IGDCC4: variants seen among roughly 807,000 people sequenced by gnomAD.
IGDCC4 encodes the protein immunoglobulin superfamily DCC subclass member 4.
IGDCC4 carries 72 observed loss-of-function variants against 116.6 expected under a neutral mutation model. That is an observed-to-expected ratio of 0.62 (90% confidence interval 0.51 to 0.75). IGDCC4 has a LOEUF of 0.75. IGDCC4 is among the 30% of genes least tolerant of loss of function. The pLI is 0.00. For synonymous variants in IGDCC4, 709 were observed against 719.9 expected, an observed-to-expected ratio of 0.98 and a Z score of 0.24; for missense variants, 1,501 against 1,662.4, an observed-to-expected ratio of 0.90 and a Z score of 1.69.
rs372564815 is a variant in IGDCC4 at position 65,393,327 on chromosome 15, C to A, written c.1885+34G>T. ...ACACACGCACACCCACACAGTCACA[C>A]ACACACTGTCCTGTCTCTCCTCTAA... is the stretch of plus-strand genomic sequence containing the variant. On this transcript the variant is annotated intron_variant, in intron 10 of 19. Coordinates refer to ENST00000352385, the MANE Select transcript of IGDCC4 (RefSeq NM_020962.3). The surrounding 1 kb of genome is among the most constrained non-coding windows in gnomAD (Gnocchi z 4.6). 1 of 1,575,722 alleles carries A rather than the reference C, an allele frequency of 6.3e-7. No homozygotes were observed.
At chr15:65,395,617 A>T in intron 7 of IGDCC4, 133 bp downstream of exon 7, 1 of 1,016,900 alleles carries the variant, frequency 9.8e-7, no homozygotes, top group Non-Finnish European at 1.3e-6. Flanking sequence ...GGTCTCTCCT[A>T]TGGGCTCCTA....
intron 5 of IGDCC4, among the ~76,000 whole-genome samples, chr15:65,397,425 A>G (rs1226947029): frequency 6.6e-6 from 1 of 152,266 alleles, no homozygotes; most frequent in Non-Finnish European, 1.5e-5. Flanking sequence ...AATGAAAACC[A>G]TTTAAAAAGC....
intron 1 of IGDCC4, among the ~76,000 whole-genome samples, chr15:65,413,409 C>T (rs2063116253): frequency 6.6e-6 from 1 of 152,120 alleles, no homozygotes; most frequent in Admixed American, 6.5e-5. Flanking sequence ...CTTTTTTCTC[C>T]CAAGGCCCCA....
Position 65,411,062 on chromosome 15 carries a change from G to C in IGDCC4, c.379C>G (p.Leu127Val), listed in dbSNP as rs1368304101. 1 of 1,613,742 alleles carries C rather than the reference G, an allele frequency of 6.2e-7. No individual in the cohort carries two copies. Among genetic ancestry groups the C allele is most frequent in the African/African-American group, 1.3e-5 (1 of 75,066 alleles). Residue 127 changes from leucine to valine, a missense_variant, in exon 2 of 20, where the codon CTC becomes GTC. Leu to Val is a conservative substitution (Grantham distance 32, BLOSUM62 1). This residue lies in a region of IGDCC4 where 898 missense variants were observed against 978.9 expected (regional missense o/e 0.92). Coordinates refer to ENST00000352385, the MANE Select transcript of IGDCC4 (RefSeq NM_020962.3). ...GNYSCLAHGPLGVLASQTAVV... is the reference protein window; with the variant it reads ...GNYSCLAHGPVGVLASQTAVV... The stretch of plus-strand genomic sequence containing the variant: ...GCAGTCTGGCTGGCCAGCACTCCGA[G>C]GGGGCCGTGGGCTAGGCACGAATAG...
rs143939478 is a variant in IGDCC4, at chr15:65,416,956, C to A, written c.71-5586G>T. On this transcript the variant is annotated intron_variant, in intron 1 of 19. Transcript: ENST00000352385. ...TTTCGTGGGATTAGTGGAGGCCTGG[C>A]GTGAGTTCCATTTTTCAGTGAATTC... Among the ~76,000 whole-genome samples the A allele has an allele frequency of 1.1e-4, 16 of 152,056 alleles. No homozygotes were observed. The East Asian group carries it at 3.1e-3, about 30-fold the overall frequency.
chr15:65,404,859 T>C (rs2063025330), intron 3 of IGDCC4, among the ~76,000 whole-genome samples: 1 of 152,164 alleles, frequency 6.6e-6, no homozygotes. Context: ...GAGACCAGCC[T>C]GGGCAACATG....
chr15:65,391,961 C>T lies in IGDCC4; in HGVS notation c.2143G>A (p.Val715Met). The change falls in exon 12 of 20, where the codon GTG becomes ATG. Residue 715 changes from valine to methionine, a missense_variant. Val to Met is a conservative substitution (Grantham distance 21). Transcript: ENST00000352385. The part of the protein sequence containing the change: ...TQLVPGRLYE[V>M]KLVAFNKHED... ...TGTTTGTTGAAAGCCACGAGCTTCACCTCGTACAGCCGGCCAGGGACTGGG... is the reference window on the plus strand; with the variant it reads ...TGTTTGTTGAAAGCCACGAGCTTCATCTCGTACAGCCGGCCAGGGACTGGG... 6.2e-7 allele frequency: 1 copy of T among 1,612,168 alleles called. No homozygotes were observed. The highest frequency in any genetic ancestry group is 1.1e-5 in the South Asian group (1 of 90,796).
At position 65,404,788 on chromosome 15, in the gene IGDCC4, T is replaced by A. The variant is rs368371047; in HGVS notation, c.564-2301A>T. 8.5e-5 allele frequency among the ~76,000 whole-genome samples: 13 copies of A among 152,288 alleles called. No homozygotes were observed. In the East Asian group the frequency reaches 1.5e-3, roughly 18 times the overall value. ...AACCACTTTTAGGGTTCATCTAAAATCTTTTCTGGCCGGGCTTTTTGGGAG... is the reference window on the plus strand; with the variant it reads ...AACCACTTTTAGGGTTCATCTAAAAACTTTTCTGGCCGGGCTTTTTGGGAG... On this transcript the variant is annotated intron_variant, in intron 3 of 19. Transcript: ENST00000352385.
chr15:65,395,886 G>A lies in IGDCC4; in HGVS notation c.1275C>T (p.Arg425=), dbSNP rs1329022357. Residue 425 remains arginine (R), a synonymous_variant, in exon 7 of 20, where the codon CGC becomes CGT. Coordinates refer to ENST00000352385, the MANE Select transcript of IGDCC4 (RefSeq NM_020962.3). ...GCGTGGGGGCGCTGGGCAGCCCCTC[G>A]CGCACCACCACGGCCAGCGACGCGG... ...CAAASLAVVV[R]EGLPSAPTRV... is the part of the protein sequence containing the mutation. The A allele has an allele frequency of 6.3e-7, 1 of 1,588,444 alleles. No individual in the cohort carries two copies. The highest frequency in any genetic ancestry group is 8.5e-7 in the Non-Finnish European group (1 of 1,174,400).
chr15:65,401,042 G>A (rs994921849), intron 4 of IGDCC4, 96 bp from the exon 5 acceptor site: 161 of 1,490,934 alleles, frequency 1.1e-4, no homozygotes, highest in African/African-American at 1.1e-4. Flanking sequence ...AGGTGGTACC[G>A]GGGACAGCAG....
chr15:65,390,681 T>G (rs1258678550), intron 12 of IGDCC4, among the ~76,000 whole-genome samples: 1 of 152,204 alleles, frequency 6.6e-6, no homozygotes, highest in African/African-American at 2.4e-5. Context: ...ACCTTCTCTG[T>G]GTCTCCATTC....
intron 18 of IGDCC4, 135 bp from the exon 19 acceptor site, chr15:65,385,250 A>AG: frequency 5.3e-6 from 5 of 940,896 alleles, no homozygotes; most frequent in Non-Finnish European, 7.7e-6. Flanking sequence ...CTCCCTCTCC[A>AG]AGGCTCTGGG....
intron 14 of IGDCC4, 79 bp from the exon 15 acceptor site, chr15:65,389,057 C>G: frequency 9.0e-7 from 1 of 1,110,748 alleles, no homozygotes; most frequent in Admixed American, 2.7e-5. Flanking sequence ...CCTTCTTCCT[C>G]CTTCATGGAA....
intron 3 of IGDCC4, among the ~76,000 whole-genome samples, chr15:65,403,274 TG>T (rs1249980227): frequency 6.6e-6 from 1 of 152,194 alleles, no homozygotes; most frequent in Non-Finnish European, 1.5e-5. Flanking sequence ...CATCTCCAAA[TG>T]TGTTCTGGTA....
intron 1 of IGDCC4, among the ~76,000 whole-genome samples, chr15:65,421,827 G>T (rs560678613): frequency 6.6e-6 from 1 of 151,734 alleles, no homozygotes; most frequent in East Asian, 1.9e-4. Flanking sequence ...GCCCCCAAAC[G>T]CACACCGGAC....
At chr15:65,408,354 T>C (rs560564612) in intron 3 of IGDCC4, among the ~76,000 whole-genome samples, 1 of 152,254 alleles carries the variant, frequency 6.6e-6, no homozygotes, top group East Asian at 1.9e-4. Context: ...CTGTTCTGGG[T>C]TCATGGAACT....
chr15:65,411,081 C>A lies in IGDCC4; in HGVS notation c.360G>T (p.Ser120=). The A allele has an allele frequency of 1.2e-6, 2 of 1,614,160 alleles. No individual in the cohort carries two copies. The highest frequency in any genetic ancestry group is 1.7e-6 in the Non-Finnish European group (2 of 1,180,018). ...EAVGVIEGNY[S]CLAHGPLGVL... is the part of the protein sequence containing the mutation. ...CTCCGAGGGGGCCGTGGGCTAGGCACGAATAGTTGCCTTCAATGACCCCCA... is the reference window on the plus strand; with the variant it reads ...CTCCGAGGGGGCCGTGGGCTAGGCAAGAATAGTTGCCTTCAATGACCCCCA... Residue 120 remains serine (S), a synonymous_variant, in exon 2 of 20, where the codon TCG becomes TCT. Transcript: ENST00000352385.
intron 1 of IGDCC4, among the ~76,000 whole-genome samples, chr15:65,416,592 A>C (rs1595796228): frequency 6.6e-6 from 1 of 151,584 alleles, no homozygotes. Flanking sequence ...CTTACTTGCC[A>C]CCCCCAGCCC....
At chr15:65,416,136 C>CAT (rs748994184) in intron 1 of IGDCC4, among the ~76,000 whole-genome samples, 19 of 77,610 alleles carry the variant, frequency 2.4e-4, no homozygotes, top group African/African-American at 1.0e-3. Context: ...AATGTTTTGA[C>CAT]TTTTTTTTTT....
Sources: allele counts gnomAD v4.1 joint callset (sites outside exome capture counted in the v4.1 genomes callset), GRCh38; gene constraint gnomAD v4.1.1; regional missense constraint gnomAD v4.1.1; non-coding constraint Gnocchi (gnomAD v3.1); transcripts MANE v1.5; gene names NCBI Gene and HGNC (gene_info 2026-07-23, HGNC 2026-07-21).